ASIC2: variants seen among roughly 807,000 people sequenced by gnomAD.
The protein encoded by ASIC2 is acid sensing ion channel subunit 2.
ASIC2 carries 25 observed loss-of-function variants against 57.3 expected under a neutral mutation model. The ratio of observed to expected loss-of-function variants is 0.44; its 90% CI spans 0.32 to 0.61. The LOEUF (loss-of-function observed/expected upper bound fraction) is 0.61, where lower values mean the gene tolerates loss of function less well. Among genes scored for constraint, ASIC2 ranks in the 20% least tolerant of loss-of-function variants. The probability of loss-of-function intolerance (pLI) is 0.06; values close to 1 mark genes in which losing one functional copy is unlikely to be tolerated. For synonymous variants in ASIC2, 319 were observed against 307.5 expected, an observed-to-expected ratio of 1.04 and a Z score of -0.39; for missense variants, 641 against 738.1, an observed-to-expected ratio of 0.87 and a Z score of 1.52.
intron 1 of ASIC2, among the ~76,000 whole-genome samples, chr17:33,675,992 G>A (rs1030891299): frequency 1.3e-5 from 2 of 152,180 alleles, no homozygotes; most frequent in African/African-American, 2.4e-5. Flanking sequence ...TCCAACAGCT[G>A]TCTCTATGAT....
At chr17:33,324,625 C>T (rs1336004843) in intron 1 of ASIC2, among the ~76,000 whole-genome samples, 1 of 152,188 alleles carries the variant, frequency 6.6e-6, no homozygotes, top group Admixed American at 6.5e-5. Context: ...AAGCCTTCCA[C>T]TGGGATATCA....
At chr17:33,158,887 G>A (rs1290422121) in intron 1 of ASIC2, among the ~76,000 whole-genome samples, 3 of 152,122 alleles carry the variant, frequency 2.0e-5, no homozygotes, top group Admixed American at 6.5e-5. Context: ...ACTAAACATC[G>A]ATACTCACAA....
chr17:33,170,058 G>T (rs958091705), intron 1 of ASIC2, among the ~76,000 whole-genome samples: 2 of 152,182 alleles, frequency 1.3e-5, no homozygotes, highest in Admixed American at 6.5e-5. Flanking sequence ...TAATGATGTG[G>T]AACCAACTGC....
intron 1 of ASIC2, among the ~76,000 whole-genome samples, chr17:33,389,518 G>A (rs987019271): frequency 3.3e-5 from 5 of 152,194 alleles, no homozygotes; most frequent in African/African-American, 4.8e-5. Flanking sequence ...TGCTGGGCAG[G>A]GTTTCAGCTA....
rs1911602165 is a variant in ASIC2 at position 33,436,221 on chromosome 17, G to A, written c.556-324154C>T. On this transcript the variant is annotated intron_variant, in intron 1 of 9. Coordinates refer to the ASIC2 transcript ENST00000359872. ...CTAAAACTGATCCCTTCCCTGTTTG[G>A]ACACTGAAACTGCCTTTGTAAGACT... is the stretch of plus-strand genomic sequence containing the variant. Among the ~76,000 whole-genome samples, 4 of 152,176 alleles carry A rather than the reference G, an allele frequency of 2.6e-5. No individual in the cohort carries two copies. The South Asian group carries it at 8.3e-4, about 32-fold the overall frequency.
chr17:34,146,409 A>G (rs763119765), intron 1 of ASIC2, among the ~76,000 whole-genome samples: 4 of 152,192 alleles, frequency 2.6e-5, no homozygotes, highest in Non-Finnish European at 4.4e-5. Flanking sequence ...GAGATGGCAC[A>G]CCTTCTACAG....
At chr17:33,856,833 G>T (rs1435502911) in intron 1 of ASIC2, among the ~76,000 whole-genome samples, 3 of 152,126 alleles carry the variant, frequency 2.0e-5, no homozygotes, top group Non-Finnish European at 4.4e-5. Flanking sequence ...GCTTACAGAT[G>T]GGGGTGTATG....
At chr17:33,136,773 G>A (rs2092368684) in intron 1 of ASIC2, among the ~76,000 whole-genome samples, 1 of 152,190 alleles carries the variant, frequency 6.6e-6, no homozygotes, top group Non-Finnish European at 1.5e-5. Context: ...GGCTAGGGCT[G>A]ACCCTCATTG....
At chr17:33,310,029 T>C (rs1245889130) in intron 1 of ASIC2, among the ~76,000 whole-genome samples, 1 of 151,082 alleles carries the variant, frequency 6.6e-6, no homozygotes, top group East Asian at 1.9e-4. Context: ...ATTACTACCA[T>C]GGTATCCTAT....
At chr17:34,077,819 A>C (rs1011234188) in intron 1 of ASIC2, among the ~76,000 whole-genome samples, 1 of 152,088 alleles carries the variant, frequency 6.6e-6, no homozygotes, top group Non-Finnish European at 1.5e-5. Flanking sequence ...CTCTCTGAAG[A>C]AGCATGCATC....
At chr17:33,668,646 C>T (rs1907556462) in intron 1 of ASIC2, among the ~76,000 whole-genome samples, 1 of 152,184 alleles carries the variant, frequency 6.6e-6, no homozygotes, top group Non-Finnish European at 1.5e-5. Context: ...CATAAGGTCA[C>T]ATATTGACAG....
intron 1 of ASIC2, among the ~76,000 whole-genome samples, chr17:33,723,175 A>G (rs1247170587): frequency 6.6e-6 from 1 of 152,238 alleles, no homozygotes; most frequent in Non-Finnish European, 1.5e-5. Flanking sequence ...CTAGTCATAC[A>G]ATAAAATAAA....
At chr17:33,486,365 A>G (rs1453363461) in intron 1 of ASIC2, among the ~76,000 whole-genome samples, 1 of 152,196 alleles carries the variant, frequency 6.6e-6, no homozygotes, top group Non-Finnish European at 1.5e-5. Flanking sequence ...TTAGCTTTTG[A>G]ACCAAGGCAA....
At chr17:33,387,628 A>G (rs574413186) in intron 1 of ASIC2, among the ~76,000 whole-genome samples, 88 of 152,320 alleles carry the variant, frequency 5.8e-4, no homozygotes, top group African/African-American at 2.1e-3. Flanking sequence ...GAACCTGTAA[A>G]TGTCACCTAA....
rs569463716 is a variant in ASIC2, at chr17:33,941,897, T to A, written c.555+214081A>T. ...CACTTTAAGCCAGAGAAAGGCTGTT[T>A]GGCTGCTGTTACTACCACCCCGGGG... On this transcript the variant is annotated intron_variant, in intron 1 of 9. Transcript: ENST00000359872. 2.0e-5 allele frequency among the ~76,000 whole-genome samples: 3 copies of A among 152,296 alleles called. No individual in the cohort carries two copies. In the South Asian group the frequency reaches 6.2e-4, roughly 32 times the overall value.
At chr17:33,990,992 TA>T (rs1905984733) in intron 1 of ASIC2, among the ~76,000 whole-genome samples, 2 of 152,278 alleles carry the variant, frequency 1.3e-5, no homozygotes, top group Admixed American at 1.3e-4. Context: ...GAGTAGGGGA[TA>T]AAGAATTGCA....
chr17:33,425,939 C>A (rs1327282138), intron 1 of ASIC2, among the ~76,000 whole-genome samples: 2 of 152,128 alleles, frequency 1.3e-5, no homozygotes. Flanking sequence ...ACAAAAATGG[C>A]TGTAGGGGTG....
intron 1 of ASIC2, among the ~76,000 whole-genome samples, chr17:33,450,745 A>G (rs945243997): frequency 6.6e-6 from 1 of 152,202 alleles, no homozygotes; most frequent in African/African-American, 2.4e-5. Flanking sequence ...CCTCTGTGGC[A>G]GGGGTGGGGA....
At chr17:33,737,632 T>C (rs1219178179) in intron 1 of ASIC2, among the ~76,000 whole-genome samples, 2 of 152,244 alleles carry the variant, frequency 1.3e-5, no homozygotes, top group African/African-American at 4.8e-5. Flanking sequence ...GTTGTGAGGA[T>C]TAAGAGAGCA....
Sources: allele counts gnomAD v4.1 joint callset (sites outside exome capture counted in the v4.1 genomes callset), GRCh38; gene constraint gnomAD v4.1.1; transcripts MANE v1.5; gene names NCBI Gene and HGNC (gene_info 2026-07-23, HGNC 2026-07-21).